The following SKA2 variants were observed in gnomAD, a reference collection of about 807,000 sequenced individuals.
SKA2 encodes the protein spindle and kinetochore associated complex subunit 2.
In SKA2, 13 loss-of-function variants were observed where a neutral mutation model predicts 16.9. The observed-to-expected ratio is 0.77, with a 90% CI of 0.50 to 1.22. The LOEUF (loss-of-function observed/expected upper bound fraction) is 1.22. SKA2 is among the 50% of genes most tolerant of loss of function. The probability of loss-of-function intolerance (pLI) is 0.00; values close to 1 mark genes in which losing one functional copy is unlikely to be tolerated. For synonymous variants in SKA2, 47 were observed against 48.5 expected (o/e 0.97, Z 0.13); for missense variants, 107 against 139.7 (o/e 0.77, Z 1.18).
intron 1 of SKA2, among the ~76,000 whole-genome samples, chr17:59,139,733 C>T (rs73993865): frequency 0.019 from 2,931 of 152,214 alleles, 90 homozygotes; most frequent in African/African-American, 0.067. Context: ...TTGTTCATGG[C>T]TTTGGTTTAC....
At chr17:59,143,829 A>G (rs2046511118) in intron 1 of SKA2, among the ~76,000 whole-genome samples, 1 of 152,190 alleles carries the variant, frequency 6.6e-6, no homozygotes, top group East Asian at 1.9e-4. Flanking sequence ...ATATAGGTTC[A>G]TGATTACTAT....
chr17:59,111,937 A>G lies in SKA2; in HGVS notation c.*340T>C. ...AAACATTCTTTTATGATAGACCAGA[A>G]CATCTATATTATCATGACTTAGAAA... is the stretch of plus-strand genomic sequence containing the variant. On this transcript the variant is annotated 3_prime_UTR_variant, in exon 4 of 4. Coordinates refer to ENST00000330137, the MANE Select transcript of SKA2 (RefSeq NM_182620.4). 4.6e-6 allele frequency: 1 copy of G among 215,308 alleles called. No homozygotes were observed. The allele number at this position is 215,308 out of a possible 1,614,324, so 13.3% of individuals were successfully genotyped here.
At chr17:59,122,732 G>A (rs755436560) in intron 2 of SKA2, among the ~76,000 whole-genome samples, 13 of 152,204 alleles carry the variant, frequency 8.5e-5, no homozygotes, top group Middle Eastern at 3.4e-3. Flanking sequence ...AGATACTGCC[G>A]TAAGCCATGG....
intron 2 of SKA2, among the ~76,000 whole-genome samples, chr17:59,125,805 G>T (rs2046368398): frequency 6.6e-6 from 1 of 152,032 alleles, no homozygotes; most frequent in South Asian, 2.1e-4. Flanking sequence ...TAAGTCTTTT[G>T]AAAGAAACAA....
At chr17:59,148,786 G>A (rs1415682826) in intron 1 of SKA2, among the ~76,000 whole-genome samples, 3 of 109,236 alleles carry the variant, frequency 2.7e-5, no homozygotes, top group Non-Finnish European at 5.2e-5. Context: ...TGCAACCTGG[G>A]TAATAGAACA....
At chr17:59,144,694 A>G (rs1457281506) in intron 1 of SKA2, among the ~76,000 whole-genome samples, 1 of 152,218 alleles carries the variant, frequency 6.6e-6, no homozygotes, top group Admixed American at 6.5e-5. Flanking sequence ...GTATGATTTC[A>G]TTTAAATGAG....
chr17:59,137,191 A>AT (rs1468825082), intron 1 of SKA2, among the ~76,000 whole-genome samples: 1 of 151,780 alleles, frequency 6.6e-6, no homozygotes. Context: ...TAATTTTTGT[A>AT]TTTTTTTGTA....
chr17:59,142,751 ATCCCATCTC>A (rs2046501414), intron 1 of SKA2, among the ~76,000 whole-genome samples: 1 of 151,580 alleles, frequency 6.6e-6, no homozygotes, highest in Non-Finnish European at 1.5e-5. Context: ...ACATGGTGAA[ATCCCATCTC>A]TACTAAAAAT....
chr17:59,148,713 TG>T (rs1411769097), intron 1 of SKA2, among the ~76,000 whole-genome samples: 1 of 137,798 alleles, frequency 7.3e-6, no homozygotes, highest in East Asian at 2.1e-4. Flanking sequence ...GAGGCTGAGG[TG>T]GGGGAGTATC....
At chr17:59,127,691 AT>A (rs973683590) in intron 2 of SKA2, among the ~76,000 whole-genome samples, 21 of 149,068 alleles carry the variant, frequency 1.4e-4, no homozygotes, top group East Asian at 1.2e-3. Context: ...CCAGCCCACA[AT>A]TTTTTTTTTT....
chr17:59,142,592 T>C (rs1011612923), intron 1 of SKA2, among the ~76,000 whole-genome samples: 11 of 149,004 alleles, frequency 7.4e-5, no homozygotes, highest in Non-Finnish European at 1.2e-4. Context: ...GCCCAGCCTA[T>C]GTATGTATTT....
chr17:59,133,940 T>C (rs1414276423), intron 1 of SKA2, among the ~76,000 whole-genome samples: 1 of 152,208 alleles, frequency 6.6e-6, no homozygotes. Flanking sequence ...AAAATTAATG[T>C]TGGGTACATA....
intron 2 of SKA2, among the ~76,000 whole-genome samples, chr17:59,121,169 A>G (rs867304486): frequency 3.4e-5 from 5 of 148,316 alleles, no homozygotes; most frequent in African/African-American, 1.2e-4. Context: ...AAAAAAAAAG[A>G]AAAAGGGTTA....
chr17:59,119,471 C>T lies in SKA2; in HGVS notation c.145G>A (p.Glu49Lys), dbSNP rs2046318707. 1 of 1,613,718 alleles carries T rather than the reference C, an allele frequency of 6.2e-7. No homozygotes were observed. The highest frequency in any genetic ancestry group is 1.7e-5 in the Admixed American group (1 of 59,982). The change falls in exon 3 of 4, where the codon GAA becomes AAA. Residue 49 changes from glutamate (E) to lysine (K), a missense_variant. Transcript: ENST00000330137. The part of the protein sequence containing the change: ...SEKNPVTLLK[E>K]LSVIKSRYQT... Reference sequence around the variant, plus strand: ...TATCGAGACTTTATCACTGACAATTCCTTTAAGAGTGTAACTGGATTTTTC... The same window carrying T: ...TATCGAGACTTTATCACTGACAATTTCTTTAAGAGTGTAACTGGATTTTTC...
intron 1 of SKA2, chr17:59,137,873 AT>A (rs772253516): frequency 7.4e-5 from 37 of 498,496 alleles, no homozygotes; most frequent in East Asian, 1.8e-4. Flanking sequence ...GATAAACAGA[AT>A]TTTTTTTAGT....
intron 2 of SKA2, among the ~76,000 whole-genome samples, chr17:59,125,148 T>TA (rs1491132557): frequency 2.2e-5 from 1 of 46,346 alleles, no homozygotes; most frequent in African/African-American, 1.1e-4. Context: ...TAATTTTGTA[T>TA]TTTTTTTTTT....
intron 2 of SKA2, among the ~76,000 whole-genome samples, chr17:59,130,042 G>A (rs1479978053): frequency 7.3e-6 from 1 of 137,498 alleles, no homozygotes; most frequent in Non-Finnish European, 1.6e-5. Flanking sequence ...AAAGAGGCGG[G>A]GGGGAGAGAG....
intron 2 of SKA2, among the ~76,000 whole-genome samples, chr17:59,123,559 GAA>G (rs749384512): frequency 3.9e-5 from 5 of 126,604 alleles, no homozygotes; most frequent in Non-Finnish European, 1.7e-5. Flanking sequence ...TCTGTCTCAG[GAA>G]AAAAAAAAAA....
intron 2 of SKA2, among the ~76,000 whole-genome samples, chr17:59,121,197 T>A (rs1360378177): frequency 1.3e-5 from 2 of 150,988 alleles, no homozygotes; most frequent in Non-Finnish European, 2.9e-5. Context: ...CAATAAAGAC[T>A]TTTTCAAACA....
Sources: allele counts gnomAD v4.1 joint callset (sites outside exome capture counted in the v4.1 genomes callset), GRCh38; gene constraint gnomAD v4.1.1; transcripts MANE v1.5; gene names NCBI Gene and HGNC (gene_info 2026-07-23, HGNC 2026-07-21).